SLC17A7: variants seen among roughly 807,000 people sequenced by gnomAD.
The protein encoded by SLC17A7 is solute carrier family 17 member 7.
In SLC17A7, 15 loss-of-function variants were observed where a neutral mutation model predicts 59.1. The observed-to-expected ratio is 0.25, with a 90% CI of 0.17 to 0.39. SLC17A7 has a LOEUF of 0.39. Ranked by LOEUF, SLC17A7 falls within the 10% of genes least tolerant of loss-of-function variation. SLC17A7 has a pLI of 1.00. For synonymous variants in SLC17A7, 353 were observed against 308.9 expected (o/e 1.14, Z -1.50); for missense variants, 499 against 765.1 (o/e 0.65, Z 4.10).
In SLC17A7 at chr19:49,441,345, G is replaced by T. The variant is rs759129393; in HGVS notation, c.35C>A (p.Ala12Glu). Reference protein sequence around the residue: ...EFRQEEFRKLAGRALGKLHRL... With the variant: ...EFRQEEFRKLEGRALGKLHRL... ...GTGCAGCTTCCCGAGAGCACGACCC[G>T]CTAGCTTCCGAAACTCCTCCTGGCG... The change falls in exon 1 of 12, where the codon GCG becomes GAG. Residue 12 changes from alanine (A) to glutamate (E), a missense_variant. Physicochemically the swap from Ala to Glu is moderately radical, Grantham distance 107. Transcript: ENST00000221485. The T allele has an allele frequency of 1.9e-6, 3 of 1,608,288 alleles. No homozygotes were observed. Among genetic ancestry groups the T allele is most frequent in the South Asian group, 1.1e-5 (1 of 90,400 alleles).
In SLC17A7 at chr19:49,432,636, C is replaced by A. The variant is rs1007777906; in HGVS notation, c.1033G>T (p.Ala345Ser). ...FEISKVGLVS[A>S]LPHLVMTIIV... ...ATGGTCATGACCAGGTGGGGCAGCGCGGACACCAGGCCTACCTGCGGGAAC... is the reference window on the plus strand; with the variant it reads ...ATGGTCATGACCAGGTGGGGCAGCGAGGACACCAGGCCTACCTGCGGGAAC... Residue 345 changes from alanine to serine, a missense_variant, in exon 9 of 12, where the codon GCG (alanine) becomes TCG (serine). Transcript: ENST00000221485. The A allele has an allele frequency of 6.2e-7, 1 of 1,611,646 alleles. No individual in the cohort carries two copies. Among genetic ancestry groups the A allele is most frequent in the Non-Finnish European group, 8.5e-7 (1 of 1,179,524 alleles).
intron 1 of SLC17A7, among the ~76,000 whole-genome samples, chr19:49,439,513 GCT>G (rs941274679): frequency 1.3e-5 from 2 of 152,208 alleles, no homozygotes; most frequent in Non-Finnish European, 2.9e-5. Context: ...TCAAGGAAGA[GCT>G]CTGTTCTAGG....
intron 1 of SLC17A7, among the ~76,000 whole-genome samples, chr19:49,439,338 G>A (rs946582682): frequency 2.0e-5 from 3 of 152,086 alleles, no homozygotes; most frequent in African/African-American, 7.2e-5. Flanking sequence ...AACAGCAATG[G>A]GACCTGATCC....
intron 5 of SLC17A7, 79 bp downstream of exon 5, chr19:49,434,523 C>CAA: frequency 7.5e-7 from 1 of 1,326,832 alleles, no homozygotes. Context: ...CCCCCAGCCC[C>CAA]TCCCCGCTCA....
chr19:49,430,988 A>C (rs1398005062), intron 11 of SLC17A7, 27 bp downstream of exon 11: 3 of 1,591,224 alleles, frequency 1.9e-6, no homozygotes, highest in African/African-American at 2.7e-5. Context: ...ACTTGGAGGC[A>C]GACTGAGTCA....
rs1267098779 is a variant in SLC17A7, at chr19:49,431,365, C to T, written c.1234G>A (p.Val412Met). 1 of 1,614,038 alleles carries T rather than the reference C, an allele frequency of 6.2e-7. No individual in the cohort carries two copies. Among genetic ancestry groups the T allele is most frequent in the Non-Finnish European group, 8.5e-7 (1 of 1,180,014 alleles). ...GVAISFLVLAVGFSGFAISGF... is the reference protein window; with the variant it reads ...GVAISFLVLAMGFSGFAISGF... ...GAGATGGCGAAGCCGCTGAAGCCCA[C>T]GGCTAGGACCAGGAAGGAGATGGCC... is the stretch of plus-strand genomic sequence containing the variant. The change falls in exon 10 of 12, where the codon GTG becomes ATG. Residue 412 changes from valine to methionine, a missense_variant. Val to Met is a conservative substitution (Grantham distance 21, BLOSUM62 1). Transcript: ENST00000221485. The surrounding 1 kb of genome is among the most constrained non-coding windows in gnomAD (Gnocchi z 4.6).
chr19:49,441,412 G>A lies in SLC17A7; in HGVS notation c.-33C>T. On this transcript the variant is annotated 5_prime_UTR_variant, in exon 1 of 12. Transcript: ENST00000221485. ...GCTCCTGCCGCCGGTCACCCCGCGG[G>A]TCCCCCCCGCCGATCCCCCCGCCCG... 4 of 1,471,768 alleles carry A rather than the reference G, an allele frequency of 2.7e-6. No homozygotes were observed. Among genetic ancestry groups the A allele is most frequent in the Middle Eastern group, 1.8e-4 (1 of 5,546 alleles). The allele number at this position is 1,471,768 out of a possible 1,614,324, so 91.2% of individuals were successfully genotyped here. A position where few individuals can be genotyped will look rare whatever the true frequency, so the allele number is the denominator to read the frequency against.
Position 49,441,525 on chromosome 19 carries a change from A to C in SLC17A7, c.-146T>G. On this transcript the variant is annotated 5_prime_UTR_variant, in exon 1 of 12. Coordinates refer to ENST00000221485, the MANE Select transcript of SLC17A7 (RefSeq NM_020309.4). ...TCCGCTCGGGGGGAAGGAGGCTGCAAGTGCAGGCGGCCCGGGGGCTGTCAC... is the reference window on the plus strand; with the variant it reads ...TCCGCTCGGGGGGAAGGAGGCTGCACGTGCAGGCGGCCCGGGGGCTGTCAC... 2 of 1,040,528 alleles carry C rather than the reference A, an allele frequency of 1.9e-6. No homozygotes were observed. The highest frequency in any genetic ancestry group is 2.3e-6 in the Non-Finnish European group (2 of 867,804). 64.5% of individuals were successfully genotyped at this position (1,040,528 alleles called of 1,614,324 possible).
chr19:49,440,976 G>C (rs2078997780), intron 1 of SLC17A7, among the ~76,000 whole-genome samples: 1 of 151,014 alleles, frequency 6.6e-6, no homozygotes, highest in Non-Finnish European at 1.5e-5. Context: ...GGAAAAAGAG[G>C]GAGACGGAGA....
In SLC17A7 at chr19:49,434,828, T is replaced by C. The variant is rs371932406; in HGVS notation, c.489A>G (p.Ser163=). The change falls in exon 4 of 12, where the codon TCA becomes TCG. Residue 163 remains serine (S), a synonymous_variant. Coordinates refer to ENST00000221485, the MANE Select transcript of SLC17A7 (RefSeq NM_020309.4). ...ATSTLNMLIP[S]AARVHYGCVI... is the part of the protein sequence containing the mutation. ...CACAGCCATAGTGGACGCGGGCAGC[T>C]GAGGGGATCAGCATGTTTAGAGTGG... 24 of 1,614,052 alleles carry C rather than the reference T, an allele frequency of 1.5e-5. No individual in the cohort carries two copies. The highest frequency in any genetic ancestry group is 1.6e-5 in the Non-Finnish European group (19 of 1,180,022).
At chr19:49,434,147 C>A in intron 5 of SLC17A7, 101 bp from the exon 6 acceptor site, 1 of 784,450 alleles carries the variant, frequency 1.3e-6, no homozygotes, top group Admixed American at 2.1e-5. Flanking sequence ...GAATTACAGG[C>A]CACAGCCCCT....
chr19:49,439,999 A>G (rs1009842053), intron 1 of SLC17A7, among the ~76,000 whole-genome samples: 1 of 152,274 alleles, frequency 6.6e-6, no homozygotes, highest in South Asian at 2.1e-4. Context: ...GGAGGCGAGA[A>G]AAAGGGTGGG....
intron 1 of SLC17A7, chr19:49,437,994 A>G (rs955983665): frequency 6.7e-6 from 1 of 149,800 alleles, no homozygotes; most frequent in African/African-American, 2.5e-5. Context: ...CGGGCCAGAG[A>G]CCCAGAAAGA....
chr19:49,435,569 A>G (rs2078976955), intron 2 of SLC17A7: 3 of 327,724 alleles, frequency 9.2e-6, no homozygotes, highest in Admixed American at 4.5e-5. Context: ...CTAGGGGCCC[A>G]TGTATGATGA....
chr19:49,436,678 G>C lies in SLC17A7; in HGVS notation c.186C>G (p.Arg62=). ...GACCACTCATGATGGCGATAATGTA[G>C]CGGCGAGGGAGGCCGAAGCAGGTGC... ...VDCTCFGLPR[R]YIIAIMSGLG... is the part of the protein sequence containing the mutation. The change falls in exon 2 of 12, where the codon CGC becomes CGG. Residue 62 remains arginine (R), a synonymous_variant. Coordinates refer to ENST00000221485, the MANE Select transcript of SLC17A7 (RefSeq NM_020309.4). The surrounding 1 kb of genome is among the most constrained non-coding windows in gnomAD (Gnocchi z 4.1). The C allele has an allele frequency of 6.2e-7, 1 of 1,613,978 alleles. No homozygotes were observed. The highest frequency in any genetic ancestry group is 1.1e-5 in the South Asian group (1 of 91,086).
Position 49,429,474 on chromosome 19 carries a change from C to G in SLC17A7, c.*1045G>C, listed in dbSNP as rs1568632819. 1 of 399,068 alleles carries G rather than the reference C, an allele frequency of 2.5e-6. No homozygotes were observed. Among genetic ancestry groups the G allele is most frequent in the East Asian group, 3.6e-5 (1 of 28,068 alleles). 24.7% of individuals were successfully genotyped at this position (399,068 alleles called of 1,614,324 possible). On this transcript the variant is annotated 3_prime_UTR_variant, in exon 12 of 12. Transcript: ENST00000221485. ...AGTCACAGAGACAGAGACACAAAGA[C>G]ACAACCCTGCACTGGGAAAAAACAC...
intron 1 of SLC17A7, chr19:49,437,518 G>T: frequency 6.5e-6 from 1 of 153,758 alleles, no homozygotes. Context: ...GAGAGAGGCT[G>T]CAGAGAGAGA....
At position 49,430,420 on chromosome 19, in the gene SLC17A7, G is replaced by A; in HGVS notation, c.*99C>T. On this transcript the variant is annotated 3_prime_UTR_variant, in exon 12 of 12. Coordinates refer to ENST00000221485, the MANE Select transcript of SLC17A7 (RefSeq NM_020309.4). Reference sequence around the variant, plus strand: ...AGGGAGAGTGCTTCTTAGGCCTGAGGCAGGACAGAGAGGAGCAGGGTTCCT... The same window carrying A: ...AGGGAGAGTGCTTCTTAGGCCTGAGACAGGACAGAGAGGAGCAGGGTTCCT... 1.2e-6 allele frequency: 1 copy of A among 852,546 alleles called. No individual in the cohort carries two copies. The highest frequency in any genetic ancestry group is 1.8e-6 in the Non-Finnish European group (1 of 553,098). 52.8% of individuals were successfully genotyped at this position (852,546 alleles called of 1,614,324 possible). A position where few individuals can be genotyped will look rare whatever the true frequency, so the allele number is the denominator to read the frequency against.
chr19:49,435,153 A>AC lies in SLC17A7; in HGVS notation c.434+14dup. 1 of 1,582,264 alleles carries AC rather than the reference A, an allele frequency of 6.3e-7. No homozygotes were observed. The highest frequency in any genetic ancestry group is 8.7e-7 in the Non-Finnish European group (1 of 1,151,496). ...AACTGTAGTTACCGCCCACTTTGAG[A>AC]CCCCACCACTGTACCTGTTGGCTGC... On this transcript the variant is annotated intron_variant, in intron 3 of 11. Transcript: ENST00000221485.
Sources: allele counts gnomAD v4.1 joint callset (sites outside exome capture counted in the v4.1 genomes callset), GRCh38; gene constraint gnomAD v4.1.1; non-coding constraint Gnocchi (gnomAD v3.1); transcripts MANE v1.5; gene names NCBI Gene and HGNC (gene_info 2026-07-23, HGNC 2026-07-21).